The following LRRTM4 variants were observed in gnomAD, a reference collection of about 807,000 sequenced individuals.
LRRTM4 encodes the protein leucine-rich repeat transmembrane neuronal protein 4.
Under a neutral mutation model 47.6 loss-of-function variants are expected in LRRTM4, and 25 were observed. That is an observed-to-expected ratio of 0.53 (90% CI 0.38 to 0.73). LRRTM4 has a LOEUF of 0.73. Among genes scored for constraint, LRRTM4 ranks in the 30% least tolerant of loss-of-function variants. LRRTM4 has a pLI of 0.00. For missense variants in LRRTM4, 638 were observed against 713.4 expected, an observed-to-expected ratio of 0.89 and a Z score of 1.20; for synonymous variants, 311 against 269.5, an observed-to-expected ratio of 1.15 and a Z score of -1.51.
At chr2:76,781,444 AT>A (rs1674385259) in intron 3 of LRRTM4, among the ~76,000 whole-genome samples, 1 of 152,212 alleles carries the variant, frequency 6.6e-6, no homozygotes, top group Non-Finnish European at 1.5e-5. Context: ...GGTGTGGCAT[AT>A]AATCTTGTGG....
chr2:77,109,436 C>T (rs1671188218), intron 3 of LRRTM4, among the ~76,000 whole-genome samples: 1 of 152,148 alleles, frequency 6.6e-6, no homozygotes, highest in Admixed American at 6.5e-5. Context: ...CTCTGAAGAG[C>T]TAACAATCTT....
At chr2:77,207,180 TAACA>T (rs760420040) in intron 3 of LRRTM4, among the ~76,000 whole-genome samples, 146 of 144,798 alleles carry the variant, frequency 1.0e-3, no homozygotes, top group Non-Finnish European at 1.6e-3. Context: ...TTTCAATTGA[TAACA>T]AACAAAAAAC....
At chr2:77,029,353 A>G (rs1210728776) in intron 3 of LRRTM4, among the ~76,000 whole-genome samples, 1 of 152,024 alleles carries the variant, frequency 6.6e-6, no homozygotes, top group Admixed American at 6.5e-5. Context: ...AAAAGTAGGG[A>G]AGCAGACAGT....
chr2:77,133,490 G>C (rs924025642), intron 3 of LRRTM4, among the ~76,000 whole-genome samples: 13 of 152,240 alleles, frequency 8.5e-5, no homozygotes, highest in Admixed American at 7.8e-4. Context: ...GTTACTTCAA[G>C]GGTCAGTTTC....
At chr2:76,931,416 G>T (rs984471673) in intron 3 of LRRTM4, among the ~76,000 whole-genome samples, 1 of 152,102 alleles carries the variant, frequency 6.6e-6, no homozygotes, top group African/African-American at 2.4e-5. Flanking sequence ...TCTCATTCCT[G>T]CTTTGACCTT....
intron 3 of LRRTM4, among the ~76,000 whole-genome samples, chr2:77,141,743 A>G (rs1256786573): frequency 1.3e-5 from 2 of 152,156 alleles, no homozygotes; most frequent in East Asian, 3.9e-4. Context: ...CTGGCTCCCA[A>G]TTTTGGTATT....
intron 3 of LRRTM4, among the ~76,000 whole-genome samples, chr2:76,795,191 G>A (rs57132438): frequency 0.09 from 13,681 of 151,930 alleles, 1,100 homozygotes; most frequent in East Asian, 0.21. Flanking sequence ...AAAGGTGCCC[G>A]AATCCACAAA....
At chr2:76,880,934 G>A (rs1271464640) in intron 3 of LRRTM4, among the ~76,000 whole-genome samples, 1 of 152,122 alleles carries the variant, frequency 6.6e-6, no homozygotes, top group Non-Finnish European at 1.5e-5. Flanking sequence ...AGATACAAGA[G>A]TCTGGGAAGG....
intron 3 of LRRTM4, among the ~76,000 whole-genome samples, chr2:77,182,383 A>G (rs1485228523): frequency 2.0e-5 from 3 of 152,068 alleles, no homozygotes; most frequent in African/African-American, 2.4e-5. Flanking sequence ...ATGAGAACAC[A>G]TGGACACAGG....
Position 77,152,015 on chromosome 2 carries a change from C to G in LRRTM4, c.1551+366303G>C, listed in dbSNP as rs565472632. Reference sequence around the variant, plus strand: ...AGAAGGATGAAAAATTTAACCAGCACAAAAAACTGCAAAGAAGAATATTAA... The same window carrying G: ...AGAAGGATGAAAAATTTAACCAGCAGAAAAAACTGCAAAGAAGAATATTAA... On this transcript the variant is annotated intron_variant, in intron 3 of 3. Coordinates refer to ENST00000409884, the MANE Select transcript of LRRTM4 (RefSeq NM_001134745.3). Among the ~76,000 whole-genome samples, 3 of 152,216 alleles carry G rather than the reference C, an allele frequency of 2.0e-5. No individual in the cohort carries two copies. The East Asian group carries it at 5.8e-4, about 29-fold the overall frequency.
intron 3 of LRRTM4, among the ~76,000 whole-genome samples, chr2:77,087,667 T>G (rs1025756329): frequency 6.6e-6 from 1 of 152,124 alleles, no homozygotes; most frequent in Non-Finnish European, 1.5e-5. Flanking sequence ...CCCAACAGCA[T>G]AGGATAAAAA....
chr2:77,107,224 T>A (rs1671114815), intron 3 of LRRTM4, among the ~76,000 whole-genome samples: 1 of 150,936 alleles, frequency 6.6e-6, no homozygotes, highest in Non-Finnish European at 1.5e-5. Flanking sequence ...TAACACATAA[T>A]GTAGCAACAT....
intron 3 of LRRTM4, among the ~76,000 whole-genome samples, chr2:76,902,068 C>T (rs1280800041): frequency 1.3e-5 from 2 of 152,116 alleles, no homozygotes; most frequent in African/African-American, 4.8e-5. Flanking sequence ...TTTCTAACTT[C>T]CTCTGGCTAA....
chr2:76,965,595 A>G (rs564101766), intron 3 of LRRTM4, among the ~76,000 whole-genome samples: 28 of 151,256 alleles, frequency 1.9e-4, no homozygotes, highest in Non-Finnish European at 4.2e-4. Context: ...TATAATTATT[A>G]TTGTTTACAG....
intron 3 of LRRTM4, among the ~76,000 whole-genome samples, chr2:76,797,024 A>C (rs1477612086): frequency 2.6e-5 from 4 of 152,138 alleles, no homozygotes; most frequent in Non-Finnish European, 4.4e-5. Context: ...GAATGCAAAC[A>C]AGTTGGAAAA....
intron 3 of LRRTM4, among the ~76,000 whole-genome samples, chr2:77,396,199 C>T (rs1673695882): frequency 6.6e-6 from 1 of 151,550 alleles, no homozygotes; most frequent in Non-Finnish European, 1.5e-5. Context: ...ATATAACAAC[C>T]CCCTTAATCA....
chr2:77,072,800 CAAAAAA>C (rs373786120), intron 3 of LRRTM4, among the ~76,000 whole-genome samples: 3 of 78,742 alleles, frequency 3.8e-5, no homozygotes, highest in African/African-American at 5.0e-5. Flanking sequence ...CTCCGTCTTC[CAAAAAA>C]AAAAAAAAAA....
chr2:76,989,893 T>C (rs1024559597), intron 3 of LRRTM4: 2 of 151,840 alleles, frequency 1.3e-5, no homozygotes, highest in African/African-American at 4.8e-5. Context: ...TAGAAGCTAA[T>C]TGTGATAAAA....
chr2:76,876,176 G>GC (rs1230066227), intron 3 of LRRTM4, among the ~76,000 whole-genome samples: 1 of 152,004 alleles, frequency 6.6e-6, no homozygotes, highest in African/African-American at 2.4e-5. Flanking sequence ...TTTTTTAAGA[G>GC]CAACAAATAA....
Sources: allele counts gnomAD v4.1 joint callset (sites outside exome capture counted in the v4.1 genomes callset), GRCh38; gene constraint gnomAD v4.1.1; transcripts MANE v1.5; gene names NCBI Gene and HGNC (gene_info 2026-07-23, HGNC 2026-07-21).